The following ATP11C variants were observed in gnomAD, a reference collection of about 807,000 sequenced individuals.
ATP11C encodes phospholipid-transporting ATPase IG.
In ATP11C, 36 loss-of-function variants were observed where a neutral mutation model predicts 97.4. That is an observed-to-expected ratio of 0.37 (90% CI 0.28 to 0.49). The LOEUF is 0.49. Ranked by LOEUF, ATP11C falls within the 20% of genes least tolerant of loss-of-function variation. The pLI is 0.98. For missense variants in ATP11C, 730 were observed against 824.6 expected (o/e 0.89, Z 1.40); for synonymous variants, 275 against 290.9 (o/e 0.95, Z 0.56).
At chrX:139,804,803 C>A in intron 5 of ATP11C, among the ~76,000 whole-genome samples, 1 of 112,161 alleles carries the variant, frequency 8.9e-6, no homozygotes, top group East Asian at 2.8e-4. Flanking sequence ...ACTTAGGATG[C>A]TTTCAGATTA....
chrX:139,882,269 A>G (rs185250203), intron 1 of ATP11C, among the ~76,000 whole-genome samples: 3 of 112,061 alleles, frequency 2.7e-5, no homozygotes, highest in African/African-American at 6.5e-5. Context: ...CCTTCAATGA[A>G]AAGTTTTTTG....
At chrX:139,782,499 C>T in intron 18 of ATP11C, 48 bp downstream of exon 18, 6 of 991,909 alleles carry the variant, frequency 6.0e-6, no homozygotes, top group Non-Finnish European at 8.3e-6. Context: ...GCAGATCACA[C>T]CCAAAACACT....
intron 1 of ATP11C, among the ~76,000 whole-genome samples, chrX:139,854,211 A>G: frequency 8.9e-6 from 1 of 112,653 alleles, no homozygotes; most frequent in East Asian, 2.8e-4. Flanking sequence ...TTACAGAATC[A>G]GGAAGGAACC....
intron 1 of ATP11C, among the ~76,000 whole-genome samples, chrX:139,879,551 C>G (rs1288024656): frequency 9.0e-6 from 1 of 111,019 alleles, no homozygotes; most frequent in Non-Finnish European, 1.9e-5. Flanking sequence ...CACAAATTTT[C>G]AGATAGAAGA....
intron 1 of ATP11C, among the ~76,000 whole-genome samples, chrX:139,884,048 T>C (rs897758532): frequency 2.7e-5 from 3 of 112,027 alleles, no homozygotes; most frequent in African/African-American, 9.7e-5. Context: ...CCAAAAATTG[T>C]CAAGATACAA....
Position 139,741,083 on chromosome X carries a change from A to G in ATP11C, c.3042T>C (p.Asp1014=). Reference sequence around the variant, plus strand: ...GATTTATCCACGTCCAGAATCGGGTATCCAAGGCAAGCTGAAAAGATACAA... The same window carrying G: ...GATTTATCCACGTCCAGAATCGGGTGTCCAAGGCAAGCTGAAAAGATACAA... The part of the protein sequence containing the change: ...VFTVTLKLAL[D]TRFWTWINHF... Residue 1014 remains aspartate, a synonymous_variant, in exon 27 of 30, where the codon GAT becomes GAC. Coordinates refer to ENST00000682941, the MANE Select transcript of ATP11C (RefSeq NM_001353812.2). 8.4e-7 allele frequency: 1 copy of G among 1,190,546 alleles called. No individual in the cohort carries two copies. The highest frequency in any genetic ancestry group is 1.1e-6 in the Non-Finnish European group (1 of 876,790).
In ATP11C at chrX:139,751,715, C is replaced by T. The variant is rs1340970346; in HGVS notation, c.2701-1563G>A. Among the ~76,000 whole-genome samples the T allele has an allele frequency of 2.7e-5, 3 of 110,275 alleles. No homozygotes were observed. The Admixed American group carries it at 2.9e-4, about 11-fold the overall frequency. ...TACATAATTAGAAGAGACAGAATAT[C>T]CCCAAAACAAACAGATAAAGTTGAT... is the stretch of plus-strand genomic sequence containing the variant. On this transcript the variant is annotated intron_variant, in intron 23 of 29. Transcript: ENST00000682941.
chrX:139,906,376 C>T (rs1415662872), intron 1 of ATP11C, among the ~76,000 whole-genome samples: 1 of 106,260 alleles, frequency 9.4e-6, no homozygotes, highest in Non-Finnish European at 1.9e-5. Context: ...GTGGTTGCAC[C>T]ATTGTACTCC....
chrX:139,785,400 T>C (rs749913135), intron 15 of ATP11C, 101 bp from the exon 16 acceptor site: 10 of 576,604 alleles, frequency 1.7e-5, no homozygotes, highest in East Asian at 3.5e-5. Flanking sequence ...AATCAACAGA[T>C]AGCACTGGTT....
At chrX:139,877,120 C>T (rs1398684190) in intron 1 of ATP11C, among the ~76,000 whole-genome samples, 1 of 112,109 alleles carries the variant, frequency 8.9e-6, no homozygotes, top group Non-Finnish European at 1.9e-5. Context: ...TGAGCCTCCA[C>T]TGCTGCTATT....
At chrX:139,823,033 A>G (rs2147868662) in intron 2 of ATP11C, among the ~76,000 whole-genome samples, 1 of 110,153 alleles carries the variant, frequency 9.1e-6, no homozygotes, top group Non-Finnish European at 1.9e-5. Flanking sequence ...CCTGGCCAAC[A>G]TGGCGAAACC....
intron 24 of ATP11C, among the ~76,000 whole-genome samples, chrX:139,749,072 T>A (rs1434245736): frequency 8.9e-6 from 1 of 112,048 alleles, no homozygotes; most frequent in African/African-American, 3.2e-5. Context: ...ATCAGTGGAA[T>A]AGGAATGTCA....
intron 8 of ATP11C, among the ~76,000 whole-genome samples, chrX:139,798,994 G>A (rs182586670): frequency 3.6e-5 from 4 of 111,076 alleles, no homozygotes; most frequent in Admixed American, 9.6e-5. Flanking sequence ...TACATGGGGG[G>A]GGATAAAAGG....
At chrX:139,898,866 G>T (rs1204343590) in intron 1 of ATP11C, among the ~76,000 whole-genome samples, 3 of 111,540 alleles carry the variant, frequency 2.7e-5, no homozygotes, top group African/African-American at 9.8e-5. Flanking sequence ...GTACAGTATG[G>T]AAAGAGGAAA....
chrX:139,804,446 GT>G, intron 6 of ATP11C, 24 bp downstream of exon 6: 3 of 1,180,456 alleles, frequency 2.5e-6, no homozygotes, highest in South Asian at 3.9e-5. Context: ...AGATCAAAAT[GT>G]TTAGGCAAGG....
chrX:139,782,611 C>T lies in ATP11C; in HGVS notation c.1888G>A (p.Glu630Lys). The part of the protein sequence containing the change: ...MALQDREEKM[E>K]KVFDDIETNM... The stretch of plus-strand genomic sequence containing the variant: ...GTCTCAATATCATCGAAAACTTTTT[C>T]CATTTTTTCTTCTCTGTCTTGTAAG... The change falls in exon 18 of 30, where the codon GAA becomes AAA. Residue 630 changes from glutamate to lysine, a missense_variant. Physicochemically the swap from Glu to Lys is moderately conservative, Grantham distance 56 (BLOSUM62 1). Transcript: ENST00000682941. The T allele has an allele frequency of 1.7e-6, 2 of 1,206,470 alleles. No individual in the cohort carries two copies. Among genetic ancestry groups the T allele is most frequent in the Non-Finnish European group, 2.2e-6 (2 of 892,137 alleles).
At chrX:139,874,129 G>A (rs1234959789) in intron 1 of ATP11C, among the ~76,000 whole-genome samples, 3 of 104,702 alleles carry the variant, frequency 2.9e-5, no homozygotes, top group Non-Finnish European at 3.9e-5. Flanking sequence ...TGCAACCTCC[G>A]TCTCCCAGGC....
intron 19 of ATP11C, among the ~76,000 whole-genome samples, chrX:139,773,727 G>A (rs749912194): frequency 1.2e-4 from 13 of 112,149 alleles, no homozygotes; most frequent in Non-Finnish European, 2.1e-4. Flanking sequence ...CATGAATGTG[G>A]GCTAATCATT....
At chrX:139,879,387 C>A (rs1409934233) in intron 1 of ATP11C, among the ~76,000 whole-genome samples, 1 of 109,323 alleles carries the variant, frequency 9.1e-6, no homozygotes, top group Non-Finnish European at 1.9e-5. Flanking sequence ...ATGAATGAAC[C>A]TAGAGGACAG....
Sources: gnomAD v4.1 joint callset for allele counts (sites outside exome capture counted in the v4.1 genomes callset) on GRCh38, gnomAD v4.1.1 for gene constraint, MANE v1.5 for transcripts, NCBI Gene and HGNC (gene_info 2026-07-23, HGNC 2026-07-21) for gene names.